PKD1L1: variants seen among roughly 807,000 people sequenced by gnomAD.
PKD1L1 encodes the protein polycystin-1-like protein 1.
Under a neutral mutation model 323.4 loss-of-function variants are expected in PKD1L1, and 236 were observed. That is an observed-to-expected ratio of 0.73 (90% CI 0.66 to 0.81). PKD1L1 has a LOEUF of 0.81. Ranked by LOEUF, PKD1L1 falls within the 40% of genes least tolerant of loss-of-function variation. The pLI, the probability that PKD1L1 is intolerant of heterozygous loss-of-function variation, is 0.00. For missense variants in PKD1L1, 3,320 were observed against 3,508.0 expected, an observed-to-expected ratio of 0.95 and a Z score of 1.35; for synonymous variants, 1,344 against 1,335.0, an observed-to-expected ratio of 1.01 and a Z score of -0.15.
intron 8 of PKD1L1, among the ~76,000 whole-genome samples, chr7:47,910,186 T>C (rs560383893): frequency 2.0e-5 from 3 of 152,308 alleles, no homozygotes; most frequent in Admixed American, 1.3e-4. Context: ...ACTAAGAGTG[T>C]GCTACGTGTT....
At position 47,843,672 on chromosome 7, in the gene PKD1L1, T is replaced by C. The variant is rs117564258; in HGVS notation, c.5238-503A>G. ...GATGGTGCTGCTTGTTCCCTACCTG[T>C]AGCCTCTACCTACCTGTTCCCAGGC... On this transcript the variant is annotated intron_variant, in intron 33 of 56. Transcript: ENST00000289672. 4.7e-4 allele frequency among the ~76,000 whole-genome samples: 72 copies of C among 152,282 alleles called. No individual in the cohort carries two copies. In the East Asian group the frequency reaches 9.1e-3, roughly 19 times the overall value.
At chr7:47,794,957 G>T (rs1055357869) in intron 55 of PKD1L1, among the ~76,000 whole-genome samples, 7 of 152,246 alleles carry the variant, frequency 4.6e-5, no homozygotes, top group Admixed American at 4.6e-4. Context: ...CCCAATCCCT[G>T]TACCCCCATT....
Position 47,840,399 on chromosome 7 carries a change from G to A in PKD1L1, c.5552+62C>T. ...TTCTACTGTTTTGTATTTGTGATAA[G>A]GTTACACCAATTCTGATTGGCCTCT... is the stretch of plus-strand genomic sequence containing the variant. On this transcript the variant is annotated intron_variant, in intron 35 of 56. Coordinates refer to ENST00000289672, the MANE Select transcript of PKD1L1 (RefSeq NM_138295.5). The surrounding 1 kb of genome is among the most constrained non-coding windows in gnomAD (Gnocchi z 4.1). 3.3e-6 allele frequency: 4 copies of A among 1,226,314 alleles called. No homozygotes were observed. Among genetic ancestry groups the A allele is most frequent in the Non-Finnish European group, 4.8e-6 (4 of 831,566 alleles). 76.0% of individuals were successfully genotyped at this position (1,226,314 alleles called of 1,614,324 possible).
At position 47,865,277 on chromosome 7, in the gene PKD1L1, C is replaced by T. The variant is rs1400486461; in HGVS notation, c.4093-5G>A. On this transcript the variant is annotated splice_polypyrimidine_tract_variant and splice_region_variant and intron_variant, in intron 25 of 56. Coordinates refer to ENST00000289672, the MANE Select transcript of PKD1L1 (RefSeq NM_138295.5). ...AACAGAACCAATCATTTCTTCCTGA[C>T]CAGAAGAAACAACAATAAAACAAAA... 1 of 1,611,736 alleles carries T rather than the reference C, an allele frequency of 6.2e-7. No homozygotes were observed. The highest frequency in any genetic ancestry group is 1.7e-5 in the Admixed American group (1 of 59,824).
intron 37 of PKD1L1, among the ~76,000 whole-genome samples, chr7:47,836,574 T>C (rs960627203): frequency 1.3e-5 from 2 of 152,210 alleles, no homozygotes; most frequent in African/African-American, 4.8e-5. Flanking sequence ...GTCCAGAGGA[T>C]TTATTTAAAA....
At chr7:47,900,861 G>A (rs558708028) in intron 13 of PKD1L1, among the ~76,000 whole-genome samples, 1 of 152,210 alleles carries the variant, frequency 6.6e-6, no homozygotes, top group East Asian at 1.9e-4. Context: ...GTAATCAAAA[G>A]GCTGCTTAAT....
intron 15 of PKD1L1, among the ~76,000 whole-genome samples, chr7:47,891,069 C>T (rs1786806010): frequency 6.6e-6 from 1 of 152,174 alleles, no homozygotes; most frequent in African/African-American, 2.4e-5. Context: ...CCTCTGCTCA[C>T]ATGACTGCCA....
rs1210171907 is a variant in PKD1L1 at position 47,813,257 on chromosome 7, T to C, written c.7210A>G (p.Ile2404Val). The C allele has an allele frequency of 6.2e-7, 1 of 1,614,174 alleles. No homozygotes were observed. The highest frequency in any genetic ancestry group is 8.5e-7 in the Non-Finnish European group (1 of 1,180,026). The change falls in exon 49 of 57, where the codon ATT becomes GTT. Residue 2404 changes from isoleucine (I) to valine (V), a missense_variant. Ile to Val is a conservative substitution (Grantham distance 29). Coordinates refer to ENST00000289672, the MANE Select transcript of PKD1L1 (RefSeq NM_138295.5). ...CCAACTTCGGGACTACATGTAGGAA[T>C]AGAGTCTTCGATGAGTGCTGAAAAT... ...RPFSALIEDS[I>V]PTCSPEVGGP...
At chr7:47,895,887 G>A (rs1224294245) in intron 14 of PKD1L1, among the ~76,000 whole-genome samples, 1 of 152,122 alleles carries the variant, frequency 6.6e-6, no homozygotes, top group African/African-American at 2.4e-5. Context: ...TTTTAATACT[G>A]TTTATTTTAA....
chr7:47,901,867 G>C (rs551162258), intron 13 of PKD1L1, among the ~76,000 whole-genome samples: 2 of 152,238 alleles, frequency 1.3e-5, no homozygotes, highest in South Asian at 4.1e-4. Flanking sequence ...AGGCCTCAAA[G>C]GAATGAAAGA....
chr7:47,836,911 T>C lies in PKD1L1; in HGVS notation c.5943+10A>G. On this transcript the variant is annotated intron_variant, in intron 37 of 56. Transcript: ENST00000289672. Reference sequence around the variant, plus strand: ...TGGAAGCTGCTATAAGGAAAAGCGATGGCTCTCACCTGCTCTTGCCCTCCA... The same window carrying C: ...TGGAAGCTGCTATAAGGAAAAGCGACGGCTCTCACCTGCTCTTGCCCTCCA... The C allele has an allele frequency of 1.9e-6, 3 of 1,611,570 alleles. No individual in the cohort carries two copies. Among genetic ancestry groups the C allele is most frequent in the Non-Finnish European group, 1.7e-6 (2 of 1,178,670 alleles).
intron 56 of PKD1L1, among the ~76,000 whole-genome samples, chr7:47,790,871 C>T (rs1584944880): frequency 6.6e-6 from 1 of 151,932 alleles, no homozygotes; most frequent in Non-Finnish European, 1.5e-5. Flanking sequence ...ATCTTTCCGT[C>T]TCAGCCTCCT....
chr7:47,870,140 C>T (rs568202836), intron 24 of PKD1L1, among the ~76,000 whole-genome samples: 22 of 150,788 alleles, frequency 1.5e-4, no homozygotes, highest in African/African-American at 5.1e-4. Flanking sequence ...AAGAAGATGA[C>T]GAATCAATAA....
chr7:47,873,374 C>T (rs772135146), intron 24 of PKD1L1, among the ~76,000 whole-genome samples: 5 of 152,010 alleles, frequency 3.3e-5, no homozygotes, highest in African/African-American at 1.2e-4. Context: ...TGAGGCTGGG[C>T]GCGGTGGCTC....
At chr7:47,950,433 C>T (rs898573663), upstream of PKD1L1, among the ~76,000 whole-genome samples, 5 of 152,318 alleles carry the variant, frequency 3.3e-5, no homozygotes, top group Admixed American at 3.3e-4. Context: ...CTGCACTGCC[C>T]TACGTGGGAG....
chr7:47,817,514 G>C (rs778200572), intron 46 of PKD1L1, among the ~76,000 whole-genome samples: 1 of 152,154 alleles, frequency 6.6e-6, no homozygotes, highest in Admixed American at 6.5e-5. Context: ...CTAGTGTATA[G>C]AGTAATAAAG....
intron 16 of PKD1L1, among the ~76,000 whole-genome samples, chr7:47,888,915 C>T (rs959776601): frequency 2.6e-5 from 4 of 152,052 alleles, no homozygotes; most frequent in Non-Finnish European, 5.9e-5. Context: ...AAGGCCAGGT[C>T]GGTAGATACT....
chr7:47,800,941 A>C, intron 53 of PKD1L1, 62 bp from the exon 54 acceptor site: 126 of 1,427,584 alleles, frequency 8.8e-5, no homozygotes, highest in Middle Eastern at 2.0e-4. Flanking sequence ...TGGAAGACTC[A>C]ACTTCCAAAT....
At chr7:47,800,379 G>A (rs1784633054) in intron 54 of PKD1L1, among the ~76,000 whole-genome samples, 1 of 152,254 alleles carries the variant, frequency 6.6e-6, no homozygotes, top group African/African-American at 2.4e-5. Context: ...ATTCAGTGCA[G>A]AGTGAGGGGG....
Sources: allele counts gnomAD v4.1 joint callset (sites outside exome capture counted in the v4.1 genomes callset), GRCh38; gene constraint gnomAD v4.1.1; non-coding constraint Gnocchi (gnomAD v3.1); transcripts MANE v1.5; gene names NCBI Gene and HGNC (gene_info 2026-07-23, HGNC 2026-07-21).